CCSER1: variants seen among roughly 807,000 people sequenced by gnomAD.
The protein encoded by CCSER1 is coiled-coil serine rich protein 1.
In CCSER1, 41 loss-of-function variants were observed where a neutral mutation model predicts 82.0. That is an observed-to-expected ratio of 0.50 (90% CI 0.39 to 0.65). The LOEUF (loss-of-function observed/expected upper bound fraction) is 0.65. CCSER1 is among the 30% of genes least tolerant of loss of function. The pLI is 0.00. For synonymous variants in CCSER1, 414 were observed against 383.9 expected (o/e 1.08, Z -0.92); for missense variants, 1,119 against 1,064.2 (o/e 1.05, Z -0.72).
chr4:90,846,252 G>T (rs1443270570), intron 8 of CCSER1, among the ~76,000 whole-genome samples: 1 of 152,140 alleles, frequency 6.6e-6, no homozygotes, highest in South Asian at 2.1e-4. Context: ...ATCCTTCAGC[G>T]TGAGAGTTAA....
intron 9 of CCSER1, among the ~76,000 whole-genome samples, chr4:90,928,767 G>A (rs1329686350): frequency 6.6e-6 from 1 of 152,004 alleles, no homozygotes; most frequent in African/African-American, 2.4e-5. Flanking sequence ...AAAATTCCTT[G>A]ACGTCCCTTC....
chr4:91,401,561 A>G (rs1389922348), intron 10 of CCSER1, among the ~76,000 whole-genome samples: 1 of 151,576 alleles, frequency 6.6e-6, no homozygotes, highest in African/African-American at 2.4e-5. Context: ...CCCCAACCCC[A>G]TGACAGACCC....
intron 9 of CCSER1, among the ~76,000 whole-genome samples, chr4:90,924,354 T>G (rs1002109005): frequency 1.3e-5 from 2 of 152,200 alleles, no homozygotes; most frequent in African/African-American, 4.8e-5. Flanking sequence ...CCGTGCAAAT[T>G]ACATTAATTT....
intron 4 of CCSER1, among the ~76,000 whole-genome samples, chr4:90,405,899 A>G (rs1295892769): frequency 6.6e-6 from 1 of 152,206 alleles, no homozygotes; most frequent in Non-Finnish European, 1.5e-5. Context: ...ATACACCAAA[A>G]GAGAAACTCC....
chr4:90,348,900 A>C (rs898151726), intron 3 of CCSER1, among the ~76,000 whole-genome samples: 6 of 152,070 alleles, frequency 3.9e-5, no homozygotes, highest in African/African-American at 7.2e-5. Context: ...CCATATTTTT[A>C]TATATCTTTT....
chr4:90,857,539 A>T (rs192705826), intron 8 of CCSER1, among the ~76,000 whole-genome samples: 51 of 152,226 alleles, frequency 3.4e-4, no homozygotes, highest in Non-Finnish European at 6.6e-4. Flanking sequence ...ATTACCAAAT[A>T]CATTGCATAC....
chr4:90,929,246 A>T (rs1325738772), intron 9 of CCSER1, among the ~76,000 whole-genome samples: 2 of 152,184 alleles, frequency 1.3e-5, no homozygotes, highest in Non-Finnish European at 1.5e-5. Flanking sequence ...AAATTAACTA[A>T]AAGCCACTAA....
chr4:90,503,141 T>C (rs1770166658), intron 5 of CCSER1, among the ~76,000 whole-genome samples: 3 of 152,174 alleles, frequency 2.0e-5, no homozygotes, highest in Admixed American at 2.0e-4. Context: ...CTAGCCATCA[T>C]TATGAAAGAG....
chr4:91,249,858 AT>A (rs1740115595), intron 10 of CCSER1, among the ~76,000 whole-genome samples: 1 of 151,954 alleles, frequency 6.6e-6, no homozygotes. Flanking sequence ...GGCAGAGATC[AT>A]TTCCTATTAA....
intron 3 of CCSER1, among the ~76,000 whole-genome samples, chr4:90,388,192 T>A (rs1298693179): frequency 6.6e-6 from 1 of 152,198 alleles, no homozygotes; most frequent in African/African-American, 2.4e-5. Context: ...AGTGACTGGG[T>A]CAGAGTTAGA....
intron 10 of CCSER1, among the ~76,000 whole-genome samples, chr4:91,159,249 G>A (rs373389285): frequency 1.3e-5 from 2 of 151,690 alleles, no homozygotes; most frequent in Non-Finnish European, 2.9e-5. Flanking sequence ...TTATAACTCC[G>A]TCTGTCAAAA....
In CCSER1 at chr4:90,567,498, C is replaced by T. The variant is rs1779548808; in HGVS notation, c.1725-60527C>T. Among the ~76,000 whole-genome samples the T allele has an allele frequency of 3.9e-5, 6 of 152,152 alleles. No homozygotes were observed. In the South Asian group the frequency reaches 1.2e-3, roughly 32 times the overall value. ...AGAGACGGGGTTTCTCCATGTTGGT[C>T]AGGCTGGTCTCAAACTCCCGACCTC... is the stretch of plus-strand genomic sequence containing the variant. On this transcript the variant is annotated intron_variant, in intron 5 of 10. Transcript: ENST00000509176.
intron 1 of CCSER1, among the ~76,000 whole-genome samples, chr4:90,226,820 C>T (rs1743254214): frequency 6.6e-6 from 1 of 152,186 alleles, no homozygotes; most frequent in East Asian, 1.9e-4. Flanking sequence ...GAATCCTCTG[C>T]AGGATTCAAG....
intron 10 of CCSER1, among the ~76,000 whole-genome samples, chr4:91,303,586 G>C (rs1433728881): frequency 6.6e-6 from 1 of 151,906 alleles, no homozygotes; most frequent in Admixed American, 6.6e-5. Flanking sequence ...AGGAGTTCAA[G>C]ACCGGCCTTG....
At chr4:90,943,668 TCC>T (rs1731858357) in intron 9 of CCSER1, among the ~76,000 whole-genome samples, 2 of 147,342 alleles carry the variant, frequency 1.4e-5, no homozygotes, top group Non-Finnish European at 3.0e-5. Context: ...GCTCAAGCAA[TCC>T]TCCTGCCTCA....
intron 10 of CCSER1, among the ~76,000 whole-genome samples, chr4:91,451,626 C>T (rs1336791566): frequency 6.6e-6 from 1 of 151,514 alleles, no homozygotes; most frequent in Non-Finnish European, 1.5e-5. Context: ...CTCCAAATAA[C>T]CAAAAAGAAG....
intron 5 of CCSER1, among the ~76,000 whole-genome samples, chr4:90,544,688 G>A (rs1324610142): frequency 6.6e-6 from 1 of 151,924 alleles, no homozygotes; most frequent in Non-Finnish European, 1.5e-5. Context: ...AATGACATCT[G>A]GTGTGACATT....
rs543640212 is a variant in CCSER1, at chr4:91,476,590, A to G, written c.2218-121982A>G. Among the ~76,000 whole-genome samples, 3 of 151,978 alleles carry G rather than the reference A, an allele frequency of 2.0e-5. No individual in the cohort carries two copies. In the East Asian group the frequency reaches 5.8e-4, roughly 29 times the overall value. On this transcript the variant is annotated intron_variant, in intron 10 of 10. Transcript: ENST00000509176. ...GAACAACAAAACACCTCAAATAGCCAAAGCAATTTTGAGGAAAAAGAACAA... is the reference window on the plus strand; with the variant it reads ...GAACAACAAAACACCTCAAATAGCCGAAGCAATTTTGAGGAAAAAGAACAA...
At chr4:91,183,170 T>A (rs1734209356) in intron 10 of CCSER1, among the ~76,000 whole-genome samples, 1 of 152,234 alleles carries the variant, frequency 6.6e-6, no homozygotes, top group Non-Finnish European at 1.5e-5. Flanking sequence ...CAGTTGTTCA[T>A]CTGTATGTAA....
Sources: gnomAD v4.1 joint callset for allele counts (sites outside exome capture counted in the v4.1 genomes callset) on GRCh38, gnomAD v4.1.1 for gene constraint, MANE v1.5 for transcripts, NCBI Gene and HGNC (gene_info 2026-07-23, HGNC 2026-07-21) for gene names.